LARGE1: variants seen among roughly 807,000 people sequenced by gnomAD.
LARGE1 encodes the protein xylosyl- and glucuronyltransferase LARGE1.
LARGE1 carries 43 observed loss-of-function variants against 87.6 expected under a neutral mutation model. The observed-to-expected ratio is 0.49, with a 90% CI of 0.38 to 0.63. The LOEUF (loss-of-function observed/expected upper bound fraction) is 0.63. LARGE1 is among the 30% of genes least tolerant of loss of function. LARGE1 has a pLI of 0.00. For synonymous variants in LARGE1, 434 were observed against 394.6 expected (o/e 1.10, Z -1.18); for missense variants, 802 against 1,000.2 (o/e 0.80, Z 2.67).
At chr22:33,187,958 A>AAAAAAAAAAAAAAAAAAAG (rs1568965475) in intron 11 of LARGE1, among the ~76,000 whole-genome samples, 1 of 107,472 alleles carries the variant, frequency 9.3e-6, no homozygotes, top group Non-Finnish European at 1.8e-5. Context: ...AAAAAAAAAA[A>AAAAAAAAAAAAAAAAAAAG]AATCACTAAG....
chr22:33,827,943 T>C (rs1241637645), intron 1 of LARGE1, among the ~76,000 whole-genome samples: 1 of 152,138 alleles, frequency 6.6e-6, no homozygotes, highest in Non-Finnish European at 1.5e-5. Context: ...GAAGCACAGT[T>C]TGAAAGCCAT....
At chr22:33,829,683 T>C (rs1321386526) in intron 1 of LARGE1, among the ~76,000 whole-genome samples, 3 of 152,202 alleles carry the variant, frequency 2.0e-5, no homozygotes. Flanking sequence ...TCCTCCTCCC[T>C]GCACCTGCAC....
chr22:33,411,789 G>A (rs1452416056), intron 7 of LARGE1, among the ~76,000 whole-genome samples: 1 of 152,054 alleles, frequency 6.6e-6, no homozygotes, highest in East Asian at 1.9e-4. Flanking sequence ...TCCATCAAAT[G>A]GCAAAACTAT....
chr22:33,767,150 C>G (rs2084933271), intron 1 of LARGE1, among the ~76,000 whole-genome samples: 1 of 150,694 alleles, frequency 6.6e-6, no homozygotes, highest in African/African-American at 2.4e-5. Context: ...CCTGTCTCTA[C>G]TAAAAAATAT....
intron 4 of LARGE1, among the ~76,000 whole-genome samples, chr22:33,622,658 C>T (rs9607067): frequency 0.082 from 12,524 of 152,222 alleles, 618 homozygotes; most frequent in African/African-American, 0.14. Context: ...AGCCCGCTGC[C>T]ACTGGAATCT....
the LARGE1 span, among the ~76,000 whole-genome samples, chr22:33,091,699 C>T: frequency 2.0e-5 from 3 of 152,210 alleles, no homozygotes; most frequent in African/African-American, 4.8e-5. Flanking sequence ...CCCAGCTCTG[C>T]CCCTTCAGGG....
At chr22:33,625,321 A>G (rs1312840681) in intron 4 of LARGE1, among the ~76,000 whole-genome samples, 1 of 152,208 alleles carries the variant, frequency 6.6e-6, no homozygotes, top group East Asian at 1.9e-4. Flanking sequence ...TGAGGAACAG[A>G]AGAAAAGTTC....
chr22:33,770,983 C>T (rs1206684276), intron 1 of LARGE1, among the ~76,000 whole-genome samples: 1 of 152,112 alleles, frequency 6.6e-6, no homozygotes, highest in African/African-American at 2.4e-5. Context: ...CATTCTAGGC[C>T]TTGTCATCAC....
intron 10 of LARGE1, among the ~76,000 whole-genome samples, chr22:33,320,584 T>C (rs150387005): frequency 6.6e-6 from 1 of 152,346 alleles, no homozygotes; most frequent in Non-Finnish European, 1.5e-5. Context: ...GGTGCTAATA[T>C]CATGTGTTGC....
chr22:33,199,671 T>C (rs1421330521), intron 11 of LARGE1, among the ~76,000 whole-genome samples: 4 of 152,178 alleles, frequency 2.6e-5, no homozygotes, highest in African/African-American at 4.8e-5. Context: ...TGATTGTAAG[T>C]ATATGGCTTT....
At chr22:33,419,838 C>T (rs1472326406) in intron 7 of LARGE1, among the ~76,000 whole-genome samples, 1 of 152,088 alleles carries the variant, frequency 6.6e-6, no homozygotes, top group Non-Finnish European at 1.5e-5. Flanking sequence ...TTACAGGCGC[C>T]TACCACCATC....
At chr22:33,692,306 C>A (rs201995876) in intron 2 of LARGE1, among the ~76,000 whole-genome samples, 1 of 93,138 alleles carries the variant, frequency 1.1e-5, no homozygotes, top group African/African-American at 3.0e-5. Context: ...ATAACAGCAA[C>A]ATTTATTTTA....
chr22:33,304,373 A>G lies in LARGE1; in HGVS notation c.1586T>C (p.Val529Ala), dbSNP rs2146164640. 3 of 1,614,248 alleles carry G rather than the reference A, an allele frequency of 1.9e-6. No individual in the cohort carries two copies. Among genetic ancestry groups the G allele is most frequent in the Non-Finnish European group, 2.5e-6 (3 of 1,180,038 alleles). ...CTCCTTGTACACGATGTGGTAGCCC[A>G]CGTTGTGGCGGCTCATAAGCACCTC... The part of the protein sequence containing the change: ...GSEVLMSRHN[V>A]GYHIVYKEGQ... Residue 529 changes from valine (V) to alanine (A), a missense_variant, in exon 12 of 15, where the codon GTG becomes GCG. Physicochemically the swap from Val to Ala is moderately conservative, Grantham distance 64. Around this residue, in one of 2 missense-constraint regions of LARGE1, gnomAD observed 625 missense variants for 841.9 expected, o/e 0.74. Transcript: ENST00000397394.
intron 3 of LARGE1, among the ~76,000 whole-genome samples, chr22:33,629,636 G>C (rs899788888): frequency 6.6e-6 from 1 of 152,152 alleles, no homozygotes; most frequent in African/African-American, 2.4e-5. Flanking sequence ...AATGGGGAGA[G>C]TAGGGAGAAA....
At chr22:33,742,946 C>G (rs1444768521) in intron 2 of LARGE1, among the ~76,000 whole-genome samples, 1 of 152,044 alleles carries the variant, frequency 6.6e-6, no homozygotes, top group Non-Finnish European at 1.5e-5. Flanking sequence ...AGCAGTGGAG[C>G]CTGGTGGGAG....
In LARGE1 at chr22:33,766,913, CATATATATATATATATATATATATAT is replaced by C. The variant is rs34406131; in HGVS notation, c.-82-5381_-82-5356del. 4.9e-3 allele frequency among the ~76,000 whole-genome samples: 552 copies of C among 111,810 alleles called. 11 individuals are homozygous for C. Among genetic ancestry groups the C allele is most frequent in the African/African-American group, 0.014 (392 of 28,120 alleles). The allele number at this position is 111,810 out of a possible 152,430, so 73.4% of individuals were successfully genotyped here. A position where few individuals can be genotyped will look rare whatever the true frequency, so the allele number is the denominator to read the frequency against. ...AGAATATGACTAATTTAAACATATA[CATATATATATATATATATATATATAT>C]ATATATATATATATATATATATATA... On this transcript the variant is annotated intron_variant, in intron 1 of 14. Transcript: ENST00000397394.
chr22:33,385,831 G>A (rs186679632), intron 7 of LARGE1, among the ~76,000 whole-genome samples: 1 of 148,366 alleles, frequency 6.7e-6, no homozygotes, highest in East Asian at 1.9e-4. Context: ...AATGGTCAGT[G>A]GGGAAGACTC....
intron 6 of LARGE1, among the ~76,000 whole-genome samples, chr22:33,557,284 T>C (rs957974130): frequency 3.3e-5 from 5 of 152,178 alleles, no homozygotes; most frequent in Non-Finnish European, 7.4e-5. Flanking sequence ...AAAAAAATCC[T>C]TGGTGTTGCT....
In LARGE1 at chr22:33,761,420, G is replaced by C. The variant is rs1366657966; in HGVS notation, c.57C>G (p.Leu19=). Residue 19 remains leucine (L), a synonymous_variant, in exon 2 of 15, where the codon CTC becomes CTG. Coordinates refer to ENST00000397394, the MANE Select transcript of LARGE1 (RefSeq NM_133642.5). ...AAATCCAGGTGATGGCTGGGATGCA[G>C]AGAAGACTCAACGAGGCAGCCAAGA... ...RKFLAASLSL[L]CIPAITWIYL... The C allele has an allele frequency of 1.2e-6, 2 of 1,614,062 alleles. No individual in the cohort carries two copies. The highest frequency in any genetic ancestry group is 3.3e-5 in the Admixed American group (2 of 60,006).
Sources: allele counts gnomAD v4.1 joint callset (sites outside exome capture counted in the v4.1 genomes callset), GRCh38; gene constraint gnomAD v4.1.1; regional missense constraint gnomAD v4.1.1; transcripts MANE v1.5; gene names NCBI Gene and HGNC (gene_info 2026-07-23, HGNC 2026-07-21).